RARB: variants seen among roughly 807,000 people sequenced by gnomAD.
RARB encodes HBV-activated protein.
RARB carries 17 observed loss-of-function variants against 51.9 expected under a neutral mutation model. The observed-to-expected ratio is 0.33, with a 90% CI of 0.22 to 0.49. The LOEUF (loss-of-function observed/expected upper bound fraction) is 0.49, where lower values mean the gene tolerates loss of function less well. Among genes scored for constraint, RARB ranks in the 20% least tolerant of loss-of-function variants. The pLI is 0.99. For synonymous variants in RARB, 215 were observed against 195.4 expected (o/e 1.10, Z -0.84); for missense variants, 369 against 550.8 (o/e 0.67, Z 3.30).
intron 5 of RARB, among the ~76,000 whole-genome samples, chr3:25,371,689 C>T (rs1706303711): frequency 6.6e-6 from 1 of 152,204 alleles, no homozygotes; most frequent in South Asian, 2.1e-4. Flanking sequence ...TATTAGGCCA[C>T]TTAAAAACAC....
chr3:25,480,136 T>A (rs1696153492), intron 2 of RARB, among the ~76,000 whole-genome samples: 1 of 152,184 alleles, frequency 6.6e-6, no homozygotes, highest in South Asian at 2.1e-4. Flanking sequence ...GGGAATCACA[T>A]AGCCTGGGTT....
At chr3:25,112,890 A>C (rs1432231428) in intron 3 of RARB, among the ~76,000 whole-genome samples, 1 of 152,216 alleles carries the variant, frequency 6.6e-6, no homozygotes, top group Non-Finnish European at 1.5e-5. Flanking sequence ...AAAAATACAC[A>C]GATGTGCAAG....
chr3:24,887,323 C>A (rs1703285512), intron 2 of RARB, among the ~76,000 whole-genome samples: 1 of 152,164 alleles, frequency 6.6e-6, no homozygotes, highest in African/African-American at 2.4e-5. Flanking sequence ...ATATCTGTAA[C>A]ATATTGGAAG....
At chr3:25,291,543 C>T (rs1412554445) in intron 5 of RARB, among the ~76,000 whole-genome samples, 1 of 147,920 alleles carries the variant, frequency 6.8e-6, no homozygotes, top group Non-Finnish European at 1.5e-5. Context: ...AGTTCAGCCT[C>T]AGAGGATAAC....
At chr3:24,962,038 T>C (rs1696152974) in intron 2 of RARB, among the ~76,000 whole-genome samples, 1 of 149,612 alleles carries the variant, frequency 6.7e-6, no homozygotes, top group South Asian at 2.2e-4. Context: ...CATGCCATTC[T>C]CCTTCCTCAG....
intron 5 of RARB, among the ~76,000 whole-genome samples, chr3:25,307,923 C>T (rs9809773): frequency 0.46 from 69,545 of 152,150 alleles, 16,826 homozygotes; most frequent in East Asian, 0.87. Flanking sequence ...TGGTTTTATA[C>T]TACAGCATCA....
chr3:25,163,552 C>T (rs1353911996), intron 4 of RARB, among the ~76,000 whole-genome samples: 1 of 133,980 alleles, frequency 7.5e-6, no homozygotes, highest in African/African-American at 2.9e-5. Flanking sequence ...TTTATTTGGT[C>T]TTGCCTTCCT....
chr3:24,966,576 A>G (rs1330689428), intron 2 of RARB, among the ~76,000 whole-genome samples: 2 of 148,568 alleles, frequency 1.3e-5, no homozygotes, highest in African/African-American at 5.0e-5. Flanking sequence ...CATTTCTACC[A>G]TCATCTGTGT....
chr3:25,272,387 C>A (rs1703275577), intron 5 of RARB, among the ~76,000 whole-genome samples: 1 of 152,140 alleles, frequency 6.6e-6, no homozygotes, highest in African/African-American at 2.4e-5. Flanking sequence ...GTCTTGTGGT[C>A]TAGATAATAC....
chr3:25,315,815 C>T (rs1704410078), intron 5 of RARB, among the ~76,000 whole-genome samples: 2 of 151,808 alleles, frequency 1.3e-5, no homozygotes, highest in Admixed American at 6.6e-5. Context: ...GAGGGGGTTT[C>T]ACTATGTTAC....
intron 4 of RARB, among the ~76,000 whole-genome samples, chr3:25,575,051 A>G (rs1395010720): frequency 6.6e-6 from 1 of 152,102 alleles, no homozygotes; most frequent in Non-Finnish European, 1.5e-5. Context: ...GCGGTCCCCA[A>G]CCTTCTTGGC....
At chr3:25,455,675 G>A (rs1474904438) in intron 1 of RARB, among the ~76,000 whole-genome samples, 4 of 152,182 alleles carry the variant, frequency 2.6e-5, no homozygotes, top group Admixed American at 2.6e-4. Flanking sequence ...CATCACTGGT[G>A]CTGACTGTGC....
chr3:25,550,755 A>G (rs916652688), intron 3 of RARB, among the ~76,000 whole-genome samples: 1 of 152,096 alleles, frequency 6.6e-6, no homozygotes, highest in African/African-American at 2.4e-5. Flanking sequence ...CCGCCACCTG[A>G]CAGGCCCCAG....
intron 4 of RARB, among the ~76,000 whole-genome samples, chr3:25,146,502 TG>T (rs376841154): frequency 0.36 from 40,768 of 113,156 alleles, 9,408 homozygotes; most frequent in East Asian, 0.45. Flanking sequence ...GTTTTTTGTT[TG>T]TTTGTTTGTT....
intron 2 of RARB, among the ~76,000 whole-genome samples, chr3:25,030,765 C>A (rs1043370640): frequency 2.0e-5 from 3 of 152,168 alleles, no homozygotes; most frequent in Non-Finnish European, 2.9e-5. Flanking sequence ...TTCGGGTGCT[C>A]TCTTGCATTT....
chr3:25,354,146 T>C (rs1380828391), intron 5 of RARB, among the ~76,000 whole-genome samples: 2 of 151,344 alleles, frequency 1.3e-5, no homozygotes, highest in Non-Finnish European at 2.9e-5. Flanking sequence ...AGAATTGTCA[T>C]GTAGCAGTTA....
intron 5 of RARB, among the ~76,000 whole-genome samples, chr3:25,416,627 C>G (rs1281213010): frequency 1.3e-5 from 2 of 152,220 alleles, no homozygotes; most frequent in African/African-American, 4.8e-5. Flanking sequence ...GATCACGCAG[C>G]TCTGTTGTGC....
intron 3 of RARB, among the ~76,000 whole-genome samples, chr3:25,072,087 TTTGC>T (rs1416104017): frequency 1.3e-5 from 2 of 152,244 alleles, no homozygotes; most frequent in Non-Finnish European, 2.9e-5. Context: ...TGTGTTGGTC[TTTGC>T]TGCTAGAAGG....
intron 3 of RARB, among the ~76,000 whole-genome samples, chr3:25,089,780 A>G (rs1259580217): frequency 6.6e-6 from 1 of 152,176 alleles, no homozygotes. Flanking sequence ...GAACTGATAA[A>G]TAGTTTCCAT....
Sources: allele counts gnomAD v4.1 joint callset (sites outside exome capture counted in the v4.1 genomes callset), GRCh38; gene constraint gnomAD v4.1.1; transcripts MANE v1.5; gene names NCBI Gene and HGNC (gene_info 2026-07-23, HGNC 2026-07-21).